SYN1: variants seen among roughly 807,000 people sequenced by gnomAD.
The protein encoded by SYN1 is synapsin-1.
SYN1 carries 8 observed loss-of-function variants against 44.6 expected under a neutral mutation model. The observed-to-expected ratio is 0.18, with a 90% CI of 0.11 to 0.32. The LOEUF (loss-of-function observed/expected upper bound fraction) is 0.32, where lower values mean the gene tolerates loss of function less well. SYN1 is among the 10% of genes least tolerant of loss of function. SYN1 has a pLI of 1.00. For missense variants in SYN1, 451 were observed against 639.4 expected (o/e 0.71, Z 3.18); for synonymous variants, 275 against 280.1 (o/e 0.98, Z 0.18).
At chrX:47,585,519 TC>T in intron 5 of SYN1, 1 of 1,196,726 alleles carries the variant, frequency 8.4e-7, no homozygotes, top group South Asian at 1.8e-5. Context: ...TGCTTGTCGG[TC>T]CCCGCCCCGC....
intron 5 of SYN1, among the ~76,000 whole-genome samples, chrX:47,603,843 C>G (rs2057887012): frequency 9.4e-6 from 1 of 106,510 alleles, no homozygotes; most frequent in South Asian, 3.9e-4. Flanking sequence ...TAATTTACAA[C>G]AGTAAAAATA....
chrX:47,583,288 C>A, intron 5 of SYN1: 1 of 510,620 alleles, frequency 2.0e-6, no homozygotes. Flanking sequence ...ACCCCTCAAG[C>A]CCAAATCCAG....
At chrX:47,585,651 G>A in intron 5 of SYN1, 17 of 1,205,634 alleles carry the variant, frequency 1.4e-5, no homozygotes, top group Non-Finnish European at 1.9e-5. Flanking sequence ...TACACTGTTG[G>A]CTGTGAGGAA....
At chrX:47,584,259 T>C (rs909709071) in intron 5 of SYN1, among the ~76,000 whole-genome samples, 2 of 107,482 alleles carry the variant, frequency 1.9e-5, no homozygotes, top group African/African-American at 6.8e-5. Context: ...GATGATCAGG[T>C]ATTGAGGATG....
At chrX:47,617,887 C>T (rs1365400431) in intron 1 of SYN1, among the ~76,000 whole-genome samples, 3 of 111,138 alleles carry the variant, frequency 2.7e-5, no homozygotes, top group African/African-American at 9.9e-5. Context: ...GAAGAAAAGG[C>T]CTTTGGGGAG....
intron 5 of SYN1, among the ~76,000 whole-genome samples, chrX:47,599,793 G>A (rs771124861): frequency 8.9e-6 from 1 of 112,079 alleles, no homozygotes; most frequent in South Asian, 3.7e-4. Context: ...AGGGTTAATA[G>A]GCACAGTGGA....
At chrX:47,576,303 C>T in intron 8 of SYN1, 29 bp downstream of exon 8, 2 of 1,209,559 alleles carry the variant, frequency 1.7e-6, no homozygotes, top group African/African-American at 1.7e-5. Context: ...CCCCCGCTTC[C>T]CCTCACACCC....
At chrX:47,591,799 A>G (rs748060186) in intron 5 of SYN1, among the ~76,000 whole-genome samples, 250 of 111,089 alleles carry the variant, frequency 2.3e-3, no homozygotes, top group African/African-American at 7.1e-3. Context: ...ACCTATAAGG[A>G]AAAAGATGAA....
chrX:47,585,470 C>T (rs1437528338), intron 5 of SYN1: 7 of 1,189,773 alleles, frequency 5.9e-6, no homozygotes, highest in African/African-American at 3.5e-5. Flanking sequence ...ATCAGAAGGC[C>T]GGGCCTTTGG....
chrX:47,611,437 A>T (rs1270036182), intron 1 of SYN1, among the ~76,000 whole-genome samples: 2 of 112,244 alleles, frequency 1.8e-5, no homozygotes, highest in African/African-American at 6.5e-5. Flanking sequence ...ACACGCTGTC[A>T]TTGCCAGAGC....
At chrX:47,593,629 T>C (rs2057855140) in intron 5 of SYN1, among the ~76,000 whole-genome samples, 1 of 111,957 alleles carries the variant, frequency 8.9e-6, no homozygotes, top group African/African-American at 3.3e-5. Context: ...TGGAAGTTTG[T>C]CTTCATTTTC....
At chrX:47,609,414 G>A (rs1424168748) in intron 1 of SYN1, among the ~76,000 whole-genome samples, 3 of 112,018 alleles carry the variant, frequency 2.7e-5, no homozygotes, top group Non-Finnish European at 3.8e-5. Context: ...CCAGCCCCAG[G>A]GCTCCCCCTA....
chrX:47,573,962 G>C (rs1472600993), intron 12 of SYN1, 40 bp downstream of exon 12: 1 of 1,090,170 alleles, frequency 9.2e-7, no homozygotes, highest in Non-Finnish European at 1.2e-6. Context: ...GGCCCGCTTT[G>C]TGAGCAGCAA....
Position 47,589,188 on chromosome X carries a change from T to C in SYN1, c.775-11687A>G, listed in dbSNP as rs776336079. ...GCGCATGCCCTGTGGTCCCAGTTAC[T>C]TGGGAGGCTGAGGCACAAGAATCGT... On this transcript the variant is annotated intron_variant, in intron 5 of 12. Coordinates refer to ENST00000295987, the MANE Select transcript of SYN1 (RefSeq NM_006950.3). 1.3e-3 allele frequency among the ~76,000 whole-genome samples: 142 copies of C among 108,017 alleles called. 2 individuals carry two copies. In the Middle Eastern group the frequency reaches 0.028, roughly 21 times the overall value. The allele number at this position is 108,017 out of a possible 115,157, so 93.8% of individuals were successfully genotyped here.
At chrX:47,583,886 T>C (rs2057810854) in intron 5 of SYN1, among the ~76,000 whole-genome samples, 1 of 111,623 alleles carries the variant, frequency 9.0e-6, no homozygotes. Flanking sequence ...AAATATTCAG[T>C]GATACTTGTT....
chrX:47,608,385 TATA>T (rs1025339227), intron 1 of SYN1, among the ~76,000 whole-genome samples: 2 of 111,925 alleles, frequency 1.8e-5, no homozygotes, highest in African/African-American at 6.5e-5. Context: ...AGTGCCTGTG[TATA>T]TGTCAGTGCC....
intron 5 of SYN1, chrX:47,583,654 T>G: frequency 1.2e-6 from 1 of 855,357 alleles, no homozygotes; most frequent in East Asian, 3.5e-5. Flanking sequence ...CTTCCTCTGC[T>G]TTAGCCACAC....
intron 1 of SYN1, 86 bp downstream of exon 1, chrX:47,619,266 C>T: frequency 8.6e-7 from 1 of 1,165,211 alleles, no homozygotes; most frequent in Non-Finnish European, 1.1e-6. Flanking sequence ...GTGTCAGGCA[C>T]ACAAGCGGCG....
chrX:47,573,019 A>C lies in SYN1; in HGVS notation c.1983-20T>G. 8.3e-7 allele frequency: 1 copy of C among 1,208,518 alleles called. No individual in the cohort carries two copies. The highest frequency in any genetic ancestry group is 1.1e-6 in the Non-Finnish European group (1 of 893,702). ...GATTTGCTAGAGAGAGACAAGGTGGAGGCGTGGGAGGAAGGGGGAAGAGGA... is the reference window on the plus strand; with the variant it reads ...GATTTGCTAGAGAGAGACAAGGTGGCGGCGTGGGAGGAAGGGGGAAGAGGA... On this transcript the variant is annotated intron_variant, in intron 12 of 12. Coordinates refer to ENST00000295987, the MANE Select transcript of SYN1 (RefSeq NM_006950.3).
Sources: allele counts gnomAD v4.1 joint callset (sites outside exome capture counted in the v4.1 genomes callset), GRCh38; gene constraint gnomAD v4.1.1; transcripts MANE v1.5; gene names NCBI Gene and HGNC (gene_info 2026-07-23, HGNC 2026-07-21).